Variants in DOCK7 observed in about 807,000 individuals in gnomAD.
The protein encoded by DOCK7 is dedicator of cytokinesis protein 7.
DOCK7 carries 138 observed loss-of-function variants against 271.0 expected under a neutral mutation model. That is an observed-to-expected ratio of 0.51 (90% CI 0.44 to 0.59). DOCK7 has a LOEUF of 0.59. Ranked by LOEUF, DOCK7 falls within the 20% of genes least tolerant of loss-of-function variation. The pLI, the probability that DOCK7 is intolerant of heterozygous loss-of-function variation, is 0.00. For missense variants in DOCK7, 2,066 were observed against 2,592.4 expected, an observed-to-expected ratio of 0.80 and a Z score of 4.41; for synonymous variants, 823 against 876.1, an observed-to-expected ratio of 0.94 and a Z score of 1.07.
At chr1:62,516,052 T>G (rs1228746460) in intron 31 of DOCK7, among the ~76,000 whole-genome samples, 1 of 152,148 alleles carries the variant, frequency 6.6e-6, no homozygotes, top group Non-Finnish European at 1.5e-5. Flanking sequence ...ATTCCTACCT[T>G]GTACCACCAT....
At chr1:62,544,050 T>A (rs1645622545) in intron 23 of DOCK7, among the ~76,000 whole-genome samples, 1 of 152,108 alleles carries the variant, frequency 6.6e-6, no homozygotes, top group African/African-American at 2.4e-5. Flanking sequence ...CATGCACATA[T>A]CTAGTAAAAA....
intron 14 of DOCK7, among the ~76,000 whole-genome samples, chr1:62,599,651 C>T (rs1187597948): frequency 6.6e-6 from 1 of 151,922 alleles, no homozygotes; most frequent in Non-Finnish European, 1.5e-5. Context: ...ATATAGAATA[C>T]TGTATGGCAC....
chr1:62,660,406 G>A (rs898188269), intron 2 of DOCK7, among the ~76,000 whole-genome samples: 9 of 152,330 alleles, frequency 5.9e-5, no homozygotes, highest in Admixed American at 3.9e-4. Flanking sequence ...ATAGGGAAAT[G>A]TAAACCAAAA....
intron 7 of DOCK7, chr1:62,641,626 C>T: frequency 4.3e-6 from 2 of 464,532 alleles, no homozygotes; most frequent in East Asian, 6.7e-5. Context: ...ACATGATCAC[C>T]ACCTTCCAGC....
intron 14 of DOCK7, chr1:62,603,898 A>C: frequency 6.8e-7 from 1 of 1,465,528 alleles, no homozygotes; most frequent in Non-Finnish European, 9.5e-7. Context: ...CCAATAAAAA[A>C]CACTTAAAAA....
At chr1:62,509,943 G>A (rs975840116) in intron 34 of DOCK7, among the ~76,000 whole-genome samples, 5 of 152,152 alleles carry the variant, frequency 3.3e-5, no homozygotes, top group African/African-American at 1.2e-4. Context: ...AGGCAAACCT[G>A]AAATGAGTTG....
At chr1:62,688,201 C>G in intron 1 of DOCK7, 26 bp downstream of exon 1, 1 of 1,368,320 alleles carries the variant, frequency 7.3e-7, no homozygotes, top group Non-Finnish European at 9.5e-7. Flanking sequence ...GCGGCGGCGG[C>G]GGCGCGCCCC....
intron 12 of DOCK7, among the ~76,000 whole-genome samples, chr1:62,621,180 G>A (rs997354709): frequency 6.6e-6 from 1 of 151,778 alleles, no homozygotes; most frequent in African/African-American, 2.4e-5. Context: ...GGAGGGAGGG[G>A]GAGGAGGAAT....
intron 39 of DOCK7, 89 bp from the exon 40 acceptor site, chr1:62,494,556 G>A: frequency 2.4e-6 from 3 of 1,247,936 alleles, no homozygotes; most frequent in Non-Finnish European, 3.3e-6. Flanking sequence ...TACCTAGAAA[G>A]GTTTTTGATA....
intron 14 of DOCK7, chr1:62,607,981 C>CTGAG (rs2149555252): frequency 6.6e-6 from 1 of 152,350 alleles, no homozygotes; most frequent in South Asian, 2.1e-4. Flanking sequence ...ACTTGGGAGG[C>CTGAG]TGAGGCAGGA....
intron 25 of DOCK7, among the ~76,000 whole-genome samples, chr1:62,541,217 C>T (rs991465624): frequency 6.6e-6 from 1 of 151,800 alleles, no homozygotes; most frequent in Non-Finnish European, 1.5e-5. Flanking sequence ...TACAGTCCTG[C>T]TACCTACAAG....
intron 31 of DOCK7, among the ~76,000 whole-genome samples, chr1:62,521,105 G>A (rs1644835053): frequency 6.6e-6 from 1 of 151,876 alleles, no homozygotes; most frequent in African/African-American, 2.4e-5. Context: ...CCTGTCAGGG[G>A]GTAGGGGGGT....
At chr1:62,569,480 C>A (rs1215151101) in intron 18 of DOCK7, among the ~76,000 whole-genome samples, 2 of 151,928 alleles carry the variant, frequency 1.3e-5, no homozygotes, top group East Asian at 3.9e-4. Flanking sequence ...GAACTAAAGA[C>A]AAAAACCACA....
chr1:62,464,876 GAA>G (rs1000451454), intron 48 of DOCK7, among the ~76,000 whole-genome samples: 1 of 152,024 alleles, frequency 6.6e-6, no homozygotes, highest in Non-Finnish European at 1.5e-5. Flanking sequence ...GGAGATTTGC[GAA>G]AAGACTTGAA....
At chr1:62,677,434 G>C (rs1402977491) in intron 1 of DOCK7, among the ~76,000 whole-genome samples, 2 of 152,248 alleles carry the variant, frequency 1.3e-5, no homozygotes, top group East Asian at 3.9e-4. Flanking sequence ...ACCTATCCAA[G>C]ATACGAAGAT....
chr1:62,464,525 T>C (rs1645620340), intron 48 of DOCK7, among the ~76,000 whole-genome samples: 1 of 151,508 alleles, frequency 6.6e-6, no homozygotes, highest in Non-Finnish European at 1.5e-5. Context: ...CTACTAAAAA[T>C]ACAAAAATTA....
intron 1 of DOCK7, among the ~76,000 whole-genome samples, chr1:62,665,396 GTAAAAGCCTT>G (rs1659175953): frequency 6.6e-6 from 1 of 151,798 alleles, no homozygotes; most frequent in Non-Finnish European, 1.5e-5. Flanking sequence ...ATGAGACTAT[GTAAAAGCCTT>G]TAAAAAGACA....
intron 33 of DOCK7, 133 bp downstream of exon 33, chr1:62,513,311 G>A (rs1644554360): frequency 1.2e-5 from 6 of 519,128 alleles, no homozygotes. Flanking sequence ...TTTTATTACT[G>A]CAGAGAAATG....
intron 16 of DOCK7, 138 bp downstream of exon 16, chr1:62,583,046 T>G: frequency 1.6e-6 from 1 of 614,898 alleles, no homozygotes; most frequent in South Asian, 2.6e-5. Context: ...CATCCACAGG[T>G]TGAAAATTAT....
Sources: gnomAD v4.1 joint callset for allele counts (sites outside exome capture counted in the v4.1 genomes callset) on GRCh38, gnomAD v4.1.1 for gene constraint, MANE v1.5 for transcripts, NCBI Gene and HGNC (gene_info 2026-07-23, HGNC 2026-07-21) for gene names.